The following PKN2 variants were observed in gnomAD, a reference collection of about 807,000 sequenced individuals.
PKN2 encodes the protein serine/threonine-protein kinase N2.
PKN2 carries 38 observed loss-of-function variants against 119.1 expected under a neutral mutation model. The ratio of observed to expected loss-of-function variants is 0.32; its 90% CI spans 0.25 to 0.42. PKN2 has a LOEUF of 0.42. PKN2 is among the 10% of genes least tolerant of loss of function. PKN2 has a pLI of 1.00. For synonymous variants in PKN2, 390 were observed against 384.9 expected, an observed-to-expected ratio of 1.01 and a Z score of -0.15; for missense variants, 850 against 1,165.1, an observed-to-expected ratio of 0.73 and a Z score of 3.94.
intron 6 of PKN2, among the ~76,000 whole-genome samples, chr1:88,774,871 G>C (rs1339711828): frequency 3.3e-5 from 5 of 152,004 alleles, no homozygotes; most frequent in African/African-American, 9.7e-5. Context: ...ACCACACCTA[G>C]CTAATTTTTA....
chr1:88,812,435 C>T (rs965645552), intron 15 of PKN2, among the ~76,000 whole-genome samples: 9 of 152,014 alleles, frequency 5.9e-5, no homozygotes, highest in African/African-American at 2.2e-4. Context: ...AGTGAGTCAC[C>T]CATAAATAAA....
At chr1:88,820,264 A>G (rs1245079820) in intron 16 of PKN2, among the ~76,000 whole-genome samples, 2 of 137,156 alleles carry the variant, frequency 1.5e-5, no homozygotes, top group African/African-American at 5.8e-5. Context: ...GCGAGGCACC[A>G]TGGCTCATGC....
intron 1 of PKN2, among the ~76,000 whole-genome samples, chr1:88,707,684 T>G (rs1326573222): frequency 1.3e-5 from 2 of 152,142 alleles, no homozygotes; most frequent in Non-Finnish European, 1.5e-5. Flanking sequence ...GTCATTTTGG[T>G]AAGAAAAGAT....
chr1:88,829,106 A>G, intron 19 of PKN2: 1 of 720,374 alleles, frequency 1.4e-6, no homozygotes, highest in Non-Finnish European at 2.6e-6. Context: ...AACAAAATGG[A>G]TGGAGAGAGG....
intron 1 of PKN2, among the ~76,000 whole-genome samples, chr1:88,712,921 C>T (rs149184861): frequency 2.2e-4 from 34 of 152,270 alleles, no homozygotes; most frequent in African/African-American, 8.2e-4. Context: ...ACTATCCCTC[C>T]CACCTACCCC....
intron 15 of PKN2, among the ~76,000 whole-genome samples, chr1:88,811,695 C>T (rs367982819): frequency 6.6e-6 from 1 of 152,162 alleles, no homozygotes; most frequent in East Asian, 1.9e-4. Context: ...CCCTTACCTA[C>T]AACACTCAAA....
intron 18 of PKN2, among the ~76,000 whole-genome samples, chr1:88,827,402 A>G (rs1362443811): frequency 2.6e-5 from 4 of 151,960 alleles, no homozygotes; most frequent in African/African-American, 9.7e-5. Flanking sequence ...TCTAAACACA[A>G]AATTTATATA....
At chr1:88,819,978 G>T (rs1350641143) in intron 16 of PKN2, among the ~76,000 whole-genome samples, 1 of 150,784 alleles carries the variant, frequency 6.6e-6, no homozygotes, top group Non-Finnish European at 1.5e-5. Context: ...ACAGGGAGGG[G>T]AACATCACAC....
intron 16 of PKN2, among the ~76,000 whole-genome samples, chr1:88,818,995 G>GT (rs199846516): frequency 0.067 from 10,162 of 152,176 alleles, 700 homozygotes; most frequent in African/African-American, 0.18. Flanking sequence ...AACTGAAACT[G>GT]AACCCCTTCC....
intron 8 of PKN2, among the ~76,000 whole-genome samples, chr1:88,788,253 G>A (rs1316204830): frequency 6.6e-6 from 1 of 152,148 alleles, no homozygotes; most frequent in Admixed American, 6.5e-5. Context: ...GAGCTTCAGT[G>A]TTCTGCAGAA....
chr1:88,821,495 T>A (rs1390637410), intron 16 of PKN2, among the ~76,000 whole-genome samples: 1 of 152,206 alleles, frequency 6.6e-6, no homozygotes. Context: ...CAGCCTAATC[T>A]CCTACTTCGT....
intron 1 of PKN2, among the ~76,000 whole-genome samples, chr1:88,696,937 T>C (rs1666563929): frequency 6.6e-6 from 1 of 152,194 alleles, no homozygotes; most frequent in Non-Finnish European, 1.5e-5. Context: ...TCTTTGCATA[T>C]GCTGATTCTG....
At chr1:88,782,028 A>G (rs1489992308) in intron 6 of PKN2, among the ~76,000 whole-genome samples, 1 of 152,144 alleles carries the variant, frequency 6.6e-6, no homozygotes, top group Non-Finnish European at 1.5e-5. Context: ...CATACACAGT[A>G]TGATTTTTTT....
chr1:88,771,329 G>A, intron 4 of PKN2, 92 bp from the exon 5 acceptor site: 1 of 871,470 alleles, frequency 1.1e-6, no homozygotes, highest in East Asian at 2.5e-5. Flanking sequence ...TTATTGTAAT[G>A]TTATAGGAAT....
At chr1:88,807,476 T>A (rs1298314594) in intron 13 of PKN2, 33 bp downstream of exon 13, 12 of 1,604,644 alleles carry the variant, frequency 7.5e-6, no homozygotes, top group Non-Finnish European at 1.0e-5. Flanking sequence ...TGCGACTACA[T>A]GTTTGGTACC....
intron 7 of PKN2, 140 bp downstream of exon 7, chr1:88,784,964 T>C (rs1670513404): frequency 2.1e-6 from 1 of 474,746 alleles, no homozygotes; most frequent in African/African-American, 2.0e-5. Flanking sequence ...ACCTGTGATG[T>C]CAGGAAACAA....
chr1:88,752,367 T>C (rs1669037143), intron 2 of PKN2, among the ~76,000 whole-genome samples: 1 of 152,126 alleles, frequency 6.6e-6, no homozygotes, highest in Non-Finnish European at 1.5e-5. Flanking sequence ...ATATTTAACA[T>C]ACTTATTTCA....
At chr1:88,746,565 C>G (rs892326605) in intron 2 of PKN2, among the ~76,000 whole-genome samples, 1 of 152,004 alleles carries the variant, frequency 6.6e-6, no homozygotes, top group South Asian at 2.1e-4. Flanking sequence ...GAGATACCAC[C>G]TCATGTGTAT....
intron 6 of PKN2, among the ~76,000 whole-genome samples, chr1:88,783,116 A>G (rs547338209): frequency 1.1e-4 from 16 of 152,188 alleles, no homozygotes; most frequent in Non-Finnish European, 1.9e-4. Context: ...TCCTACCTAT[A>G]TGCACTGAGT....
Sources: allele counts gnomAD v4.1 joint callset (sites outside exome capture counted in the v4.1 genomes callset), GRCh38; gene constraint gnomAD v4.1.1; transcripts MANE v1.5; gene names NCBI Gene and HGNC (gene_info 2026-07-23, HGNC 2026-07-21).